ZSWIM6: variants seen among roughly 807,000 people sequenced by gnomAD.
The protein encoded by ZSWIM6 is zinc finger SWIM-type containing 6.
In ZSWIM6, 9 loss-of-function variants were observed where a neutral mutation model predicts 113.2. That is an observed-to-expected ratio of 0.08 (90% CI 0.05 to 0.14). The LOEUF is 0.14. Among genes scored for constraint, ZSWIM6 ranks in the 10% least tolerant of loss-of-function variants. The probability of loss-of-function intolerance (pLI) is 1.00; values close to 1 mark genes in which losing one functional copy is unlikely to be tolerated. For missense variants in ZSWIM6, 1,162 were observed against 1,552.2 expected (o/e 0.75, Z 4.22); for synonymous variants, 611 against 606.5 (o/e 1.01, Z -0.11).
chr5:61,438,970 G>A (rs1159002510), intron 1 of ZSWIM6, among the ~76,000 whole-genome samples: 1 of 152,188 alleles, frequency 6.6e-6, no homozygotes, highest in Non-Finnish European at 1.5e-5. Flanking sequence ...CAGTTAGACA[G>A]CCAGGAGTCT....
At position 61,506,514 on chromosome 5, in the gene ZSWIM6, C is replaced by T. The variant is rs138861950; in HGVS notation, c.1333+12104C>T. On this transcript the variant is annotated intron_variant, in intron 4 of 13. Transcript: ENST00000252744. Reference sequence around the variant, plus strand: ...AGGAGAACTCGAGAGGCAGAGGTTGCAATGAGCCAAGATCACGCCACTGCA... The same window carrying T: ...AGGAGAACTCGAGAGGCAGAGGTTGTAATGAGCCAAGATCACGCCACTGCA... Among the ~76,000 whole-genome samples the T allele has an allele frequency of 1.9e-3, 288 of 151,632 alleles. 3 individuals are homozygous for T. Among genetic ancestry groups the T allele is most frequent in the African/African-American group, 6.6e-3 (271 of 41,328 alleles).
intron 1 of ZSWIM6, among the ~76,000 whole-genome samples, chr5:61,453,254 G>T (rs1407692667): frequency 6.6e-6 from 1 of 151,818 alleles, no homozygotes; most frequent in African/African-American, 2.4e-5. Context: ...TGTACAACGT[G>T]CTATTTTGAA....
At chr5:61,382,320 G>A (rs1336415019) in intron 1 of ZSWIM6, among the ~76,000 whole-genome samples, 1 of 152,068 alleles carries the variant, frequency 6.6e-6, no homozygotes, top group African/African-American at 2.4e-5. Context: ...CTGCCCCTTG[G>A]CATGGTACTC....
chr5:61,479,353 A>G (rs1179365194), intron 2 of ZSWIM6, among the ~76,000 whole-genome samples: 1 of 152,130 alleles, frequency 6.6e-6, no homozygotes, highest in Non-Finnish European at 1.5e-5. Context: ...TCTCTAGCCC[A>G]TGAGGAATTT....
chr5:61,372,437 ATTC>A (rs760776364), intron 1 of ZSWIM6, among the ~76,000 whole-genome samples: 1 of 152,104 alleles, frequency 6.6e-6, no homozygotes, highest in African/African-American at 2.4e-5. Flanking sequence ...TGGGCTCTTC[ATTC>A]TTCATCTTAT....
At chr5:61,354,895 A>G (rs917182910) in intron 1 of ZSWIM6, among the ~76,000 whole-genome samples, 1 of 152,172 alleles carries the variant, frequency 6.6e-6, no homozygotes, top group African/African-American at 2.4e-5. Context: ...TTAAGGCAAT[A>G]TATGTTGTAC....
intron 4 of ZSWIM6, among the ~76,000 whole-genome samples, chr5:61,498,495 A>C (rs1286959951): frequency 6.6e-6 from 1 of 152,168 alleles, no homozygotes; most frequent in Non-Finnish European, 1.5e-5. Flanking sequence ...TTTGAATTTC[A>C]TTGTATGATT....
intron 1 of ZSWIM6, among the ~76,000 whole-genome samples, chr5:61,420,051 A>G (rs1019466842): frequency 2.6e-5 from 4 of 152,264 alleles, no homozygotes; most frequent in African/African-American, 9.6e-5. Context: ...TTGTTGTGTC[A>G]TATACATTAG....
At chr5:61,439,954 C>T (rs560640273) in intron 1 of ZSWIM6, among the ~76,000 whole-genome samples, 11 of 152,046 alleles carry the variant, frequency 7.2e-5, no homozygotes, top group African/African-American at 9.7e-5. Flanking sequence ...GCCCTTTCTA[C>T]CTAATCTGGA....
At position 61,398,241 on chromosome 5, in the gene ZSWIM6, G is replaced by A. The variant is rs75435060; in HGVS notation, c.676+65293G>A. On this transcript the variant is annotated intron_variant, in intron 1 of 13. Coordinates refer to ENST00000252744, the MANE Select transcript of ZSWIM6 (RefSeq NM_020928.2). ...AATTGAGCATTACTGCCTGAGCTCCGCCTCCTGTCAGATCAGCAGAGATTC... is the reference window on the plus strand; with the variant it reads ...AATTGAGCATTACTGCCTGAGCTCCACCTCCTGTCAGATCAGCAGAGATTC... Among the ~76,000 whole-genome samples, 64 of 152,232 alleles carry A rather than the reference G, an allele frequency of 4.2e-4. No individual in the cohort carries two copies. The East Asian group carries it at 0.011, about 26-fold the overall frequency.
intron 1 of ZSWIM6, among the ~76,000 whole-genome samples, chr5:61,399,535 C>T (rs531011762): frequency 1.3e-5 from 2 of 152,250 alleles, no homozygotes; most frequent in East Asian, 3.9e-4. Context: ...GCTTCATCTT[C>T]GTGTTCCTGA....
At chr5:61,354,807 A>G (rs1744865290) in intron 1 of ZSWIM6, among the ~76,000 whole-genome samples, 1 of 152,196 alleles carries the variant, frequency 6.6e-6, no homozygotes. Flanking sequence ...GCACCATTTT[A>G]TGACTTATAG....
In ZSWIM6 at chr5:61,332,701, C is replaced by T; in HGVS notation, c.429C>T (p.Gly143=). ...GCGGCCCCGGCGACGACAGCGGTGGCGGCGGCGGCGCGGGCGGCGGCGGCG... is the reference window on the plus strand; with the variant it reads ...GCGGCCCCGGCGACGACAGCGGTGGTGGCGGCGGCGCGGGCGGCGGCGGCG... The part of the protein sequence containing the change: ...AAGGPGDDSG[G]GGGAGGGGGG... The change falls in exon 1 of 14, where the codon GGC becomes GGT. Residue 143 remains glycine, a synonymous_variant. Coordinates refer to ENST00000252744, the MANE Select transcript of ZSWIM6 (RefSeq NM_020928.2). The T allele has an allele frequency of 1.0e-6, 1 of 975,184 alleles. No individual in the cohort carries two copies. The allele number at this position is 975,184 out of a possible 1,614,324, so 60.4% of individuals were successfully genotyped here. A position where few individuals can be genotyped will look rare whatever the true frequency, so the allele number is the denominator to read the frequency against.
chr5:61,453,241 C>G (rs1268200140), intron 1 of ZSWIM6, among the ~76,000 whole-genome samples: 4 of 151,958 alleles, frequency 2.6e-5, no homozygotes, highest in Non-Finnish European at 5.9e-5. Flanking sequence ...ATGTATTTTA[C>G]TATGTACAAC....
intron 1 of ZSWIM6, among the ~76,000 whole-genome samples, chr5:61,461,725 A>G (rs1468090215): frequency 2.6e-5 from 4 of 152,220 alleles, no homozygotes; most frequent in Admixed American, 1.3e-4. Context: ...GACTTTGAAC[A>G]GTGAAAGCAG....
chr5:61,335,669 C>T (rs772848043), intron 1 of ZSWIM6, among the ~76,000 whole-genome samples: 1 of 152,166 alleles, frequency 6.6e-6, no homozygotes, highest in African/African-American at 2.4e-5. Flanking sequence ...TACAAGTGTA[C>T]AGAAAGTATT....
intron 1 of ZSWIM6, among the ~76,000 whole-genome samples, chr5:61,344,747 C>G (rs1037221350): frequency 1.3e-5 from 2 of 152,160 alleles, no homozygotes; most frequent in Non-Finnish European, 2.9e-5. Context: ...TAGCATGGCC[C>G]TACATCAGGC....
chr5:61,356,256 G>A (rs1315326719), intron 1 of ZSWIM6, among the ~76,000 whole-genome samples: 1 of 152,152 alleles, frequency 6.6e-6, no homozygotes, highest in Non-Finnish European at 1.5e-5. Context: ...ACGCCACCAT[G>A]CCCAGCTTCA....
In ZSWIM6 at chr5:61,472,037, G is replaced by A. The variant is rs1290467651; in HGVS notation, c.677-644G>A. ...GAGTTATTTAGGTGGTAGTGTATAT[G>A]AGATTTGGTGGGCCTTGCAATTCTA... On this transcript the variant is annotated intron_variant, in intron 1 of 13. Coordinates refer to ENST00000252744, the MANE Select transcript of ZSWIM6 (RefSeq NM_020928.2). This position sits in a 1 kb window ranked among gnomAD's most constrained non-coding sequence, Gnocchi z 4.1. Among the ~76,000 whole-genome samples, 1 of 152,162 alleles carries A rather than the reference G, an allele frequency of 6.6e-6. No individual in the cohort carries two copies. The highest frequency in any genetic ancestry group is 1.5e-5 in the Non-Finnish European group (1 of 68,016).
Sources: gnomAD v4.1 joint callset for allele counts (sites outside exome capture counted in the v4.1 genomes callset) on GRCh38, gnomAD v4.1.1 for gene constraint, Gnocchi (gnomAD v3.1) non-coding constraint, MANE v1.5 for transcripts, NCBI Gene and HGNC (gene_info 2026-07-23, HGNC 2026-07-21) for gene names.